Variants in TRAPPC6B observed in about 807,000 individuals in gnomAD.
TRAPPC6B encodes the protein TRAPP complex subunit 6B.
In TRAPPC6B, 27 loss-of-function variants were observed where a neutral mutation model predicts 24.7. The observed-to-expected ratio is 1.09, with a 90% CI of 0.81 to 1.51. TRAPPC6B has a LOEUF of 1.51. Ranked by LOEUF, TRAPPC6B falls within the 40% of genes most tolerant of loss-of-function variation. The pLI is 0.00. For missense variants in TRAPPC6B, 212 were observed against 190.8 expected (o/e 1.11, Z -0.66); for synonymous variants, 80 against 66.6 (o/e 1.20, Z -0.98).
In TRAPPC6B at chr14:39,154,304, A is replaced by C. The variant is rs1373078672; in HGVS notation, c.268-10T>G. The stretch of plus-strand genomic sequence containing the variant: ...GAAGTACATAGATGCCCTGTTCCAA[A>C]AATAGAAAAAAAATCCAAAGTCAAT... On this transcript the variant is annotated splice_polypyrimidine_tract_variant and intron_variant, in intron 3 of 5. Coordinates refer to ENST00000330149, the MANE Select transcript of TRAPPC6B (RefSeq NM_001079537.2). 1 of 1,586,180 alleles carries C rather than the reference A, an allele frequency of 6.3e-7. No homozygotes were observed. Among genetic ancestry groups the C allele is most frequent in the South Asian group, 1.1e-5 (1 of 89,892 alleles).
intron 1 of TRAPPC6B, among the ~76,000 whole-genome samples, chr14:39,163,552 C>A (rs2053079908): frequency 6.6e-6 from 1 of 150,742 alleles, no homozygotes; most frequent in East Asian, 1.9e-4. Context: ...TAATCTGTCT[C>A]CACAGAACTT....
At chr14:39,152,580 T>C (rs1456158728) in intron 4 of TRAPPC6B, among the ~76,000 whole-genome samples, 1 of 152,122 alleles carries the variant, frequency 6.6e-6, no homozygotes, top group Non-Finnish European at 1.5e-5. Flanking sequence ...TTATAAATAA[T>C]ATACATAAAT....
intron 1 of TRAPPC6B, among the ~76,000 whole-genome samples, chr14:39,165,798 CTCT>C (rs1234308042): frequency 6.6e-6 from 1 of 151,898 alleles, no homozygotes; most frequent in African/African-American, 2.4e-5. Context: ...CATTGTCTCT[CTCT>C]CTCTCTCTCT....
At chr14:39,165,193 C>T (rs1275794329) in intron 1 of TRAPPC6B, among the ~76,000 whole-genome samples, 1 of 151,914 alleles carries the variant, frequency 6.6e-6, no homozygotes, top group South Asian at 2.1e-4. Context: ...CTACAGGCGA[C>T]CGCCACCACG....
intron 1 of TRAPPC6B, among the ~76,000 whole-genome samples, chr14:39,164,468 G>A (rs1244401761): frequency 6.6e-6 from 1 of 151,112 alleles, no homozygotes; most frequent in Admixed American, 6.6e-5. Flanking sequence ...TTCCAGCCTG[G>A]GCAATAACAG....
Position 39,151,784 on chromosome 14 carries a change from T to C in TRAPPC6B, c.407A>G (p.Lys136Arg). 3 of 1,609,428 alleles carry C rather than the reference T, an allele frequency of 1.9e-6. No homozygotes were observed. The highest frequency in any genetic ancestry group is 2.2e-5 in the South Asian group (2 of 89,620). Residue 136 changes from lysine (K) to arginine (R), a missense_variant, in exon 5 of 6, where the codon AAA becomes AGA. Transcript: ENST00000330149. Reference protein sequence around the residue: ...IRGGLSNLGIKSIVTAEVSSM... With the variant: ...IRGGLSNLGIRSIVTAEVSSM... ...AGACACTTCAGCTGTTACAATACTT[T>C]TTATTCCCAAGTTTGATAAGCCACC...
chr14:39,167,872 A>G (rs201431866), intron 1 of TRAPPC6B, among the ~76,000 whole-genome samples: 264 of 69,792 alleles, frequency 3.8e-3, no homozygotes, highest in Non-Finnish European at 6.7e-3. Flanking sequence ...AACCCACGGG[A>G]AAAAAAAAAG....
chr14:39,162,324 ATT>A (rs796943468), intron 1 of TRAPPC6B, among the ~76,000 whole-genome samples: 5 of 141,808 alleles, frequency 3.5e-5, no homozygotes, highest in Admixed American at 7.1e-5. Flanking sequence ...ATGCCTGGCT[ATT>A]TTTTTTTTTT....
chr14:39,169,375 T>A (rs561436227), intron 1 of TRAPPC6B, among the ~76,000 whole-genome samples: 2 of 152,298 alleles, frequency 1.3e-5, no homozygotes, highest in East Asian at 3.9e-4. Flanking sequence ...CATTTCGGAT[T>A]AAATTAGATT....
At chr14:39,163,417 G>A (rs1261032875) in intron 1 of TRAPPC6B, among the ~76,000 whole-genome samples, 2 of 149,770 alleles carry the variant, frequency 1.3e-5, no homozygotes, top group African/African-American at 5.1e-5. Flanking sequence ...CATCACATGG[G>A]AACTTGCAAA....
Position 39,159,497 on chromosome 14 carries a change from T to C in TRAPPC6B, c.135A>G (p.Gln45=). The C allele has an allele frequency of 6.2e-7, 1 of 1,605,548 alleles. No individual in the cohort carries two copies. Among genetic ancestry groups the C allele is most frequent in the Non-Finnish European group, 8.5e-7 (1 of 1,175,522 alleles). The stretch of plus-strand genomic sequence containing the variant: ...AACCTGCTCACCTTTCTATCAATCC[T>C]TGTCCCACTCGAAACCCCATGTTTT... ...KLENMGFRVG[Q]GLIERFTKDT... is the part of the protein sequence containing the mutation. The change falls in exon 2 of 6, where the codon CAA becomes CAG. Residue 45 remains glutamine (Q), a synonymous_variant. Transcript: ENST00000330149.
At position 39,170,247 on chromosome 14, in the gene TRAPPC6B, T is replaced by G; in HGVS notation, c.-152A>C. The G allele has an allele frequency of 1.5e-6, 1 of 663,824 alleles. No individual in the cohort carries two copies. The highest frequency in any genetic ancestry group is 2.6e-6 in the Non-Finnish European group (1 of 384,002). The allele number at this position is 663,824 out of a possible 1,614,324, so 41.1% of individuals were successfully genotyped here. On this transcript the variant is annotated 5_prime_UTR_variant, in exon 1 of 6. Coordinates refer to ENST00000330149, the MANE Select transcript of TRAPPC6B (RefSeq NM_001079537.2). ...TAAGAGACCGAGGTATTCACACGACTTCCCAAAGGCTGGTACTGAAATGAG... is the reference window on the plus strand; with the variant it reads ...TAAGAGACCGAGGTATTCACACGACGTCCCAAAGGCTGGTACTGAAATGAG...
chr14:39,157,234 C>A, intron 3 of TRAPPC6B: 4 of 352,834 alleles, frequency 1.1e-5, no homozygotes, highest in East Asian at 1.6e-4. Context: ...GAAATGGCCC[C>A]GCTATATCAG....
intron 1 of TRAPPC6B, among the ~76,000 whole-genome samples, chr14:39,162,327 T>A (rs1167878461): frequency 6.6e-6 from 1 of 151,286 alleles, no homozygotes; most frequent in Non-Finnish European, 1.5e-5. Context: ...CCTGGCTATT[T>A]TTTTTTTTTT....
chr14:39,165,621 T>C (rs2053100110), intron 1 of TRAPPC6B, among the ~76,000 whole-genome samples: 1 of 151,414 alleles, frequency 6.6e-6, no homozygotes, highest in East Asian at 1.9e-4. Flanking sequence ...ATAGCAAGAC[T>C]CTGTTTCTAC....
At chr14:39,157,147 T>A (rs2052991540) in intron 3 of TRAPPC6B, 2 of 228,450 alleles carry the variant, frequency 8.8e-6, no homozygotes, top group South Asian at 6.3e-5. Context: ...AAGTGGTGAA[T>A]CCCCTGTTTG....
intron 1 of TRAPPC6B, among the ~76,000 whole-genome samples, chr14:39,165,139 A>G (rs1392961328): frequency 2.0e-5 from 3 of 147,736 alleles, no homozygotes; most frequent in Non-Finnish European, 4.4e-5. Flanking sequence ...TCTGCCTCCC[A>G]GGTTCACGCC....
At chr14:39,152,076 C>T (rs2052922210) in intron 4 of TRAPPC6B, among the ~76,000 whole-genome samples, 1 of 152,152 alleles carries the variant, frequency 6.6e-6, no homozygotes, top group South Asian at 2.1e-4. Context: ...CAGTCCAGGA[C>T]TGTGAATCTA....
Position 39,170,110 on chromosome 14 carries a change from T to A in TRAPPC6B, c.-15A>T, listed in dbSNP as rs745749510. The A allele has an allele frequency of 1.7e-5, 28 of 1,613,864 alleles. No individual in the cohort carries two copies. The East Asian group carries it at 5.8e-4, about 33-fold the overall frequency. ...TCATCCGCCATTTCCTGCTAATTCTTCCAAGCTTCGAGTTTTGGCTCCCGT... is the reference window on the plus strand; with the variant it reads ...TCATCCGCCATTTCCTGCTAATTCTACCAAGCTTCGAGTTTTGGCTCCCGT... On this transcript the variant is annotated 5_prime_UTR_variant, in exon 1 of 6. Coordinates refer to ENST00000330149, the MANE Select transcript of TRAPPC6B (RefSeq NM_001079537.2).
Sources: gnomAD v4.1 joint callset for allele counts (sites outside exome capture counted in the v4.1 genomes callset) on GRCh38, gnomAD v4.1.1 for gene constraint, MANE v1.5 for transcripts, NCBI Gene and HGNC (gene_info 2026-07-23, HGNC 2026-07-21) for gene names.